Variants in HECW1 observed in about 807,000 individuals in gnomAD.
The protein encoded by HECW1 is HECT, C2 and WW domain containing E3 ubiquitin protein ligase 1, also known as E3 ubiquitin-protein ligase HECW1.
HECW1 carries 61 observed loss-of-function variants against 182.3 expected under a neutral mutation model. That is an observed-to-expected ratio of 0.33 (90% CI 0.27 to 0.41). The LOEUF is 0.41. Ranked by LOEUF, HECW1 falls within the 10% of genes least tolerant of loss-of-function variation. HECW1 has a pLI of 1.00. For missense variants in HECW1, 1,739 were observed against 2,108.9 expected (o/e 0.82, Z 3.44); for synonymous variants, 859 against 832.6 (o/e 1.03, Z -0.55).
chr7:43,383,908 T>G (rs2074664933), intron 6 of HECW1, among the ~76,000 whole-genome samples: 1 of 152,168 alleles, frequency 6.6e-6, no homozygotes, highest in Non-Finnish European at 1.5e-5. Flanking sequence ...GAAAAAATAT[T>G]AAGAAAGTCA....
chr7:43,386,601 G>T (rs891421737), intron 6 of HECW1, among the ~76,000 whole-genome samples: 4 of 152,016 alleles, frequency 2.6e-5, no homozygotes, highest in Non-Finnish European at 4.4e-5. Context: ...AGATGTTCCT[G>T]CCCCCCCTGC....
intron 24 of HECW1, among the ~76,000 whole-genome samples, chr7:43,534,106 T>G (rs2081086853): frequency 6.6e-6 from 1 of 152,188 alleles, no homozygotes; most frequent in African/African-American, 2.4e-5. Flanking sequence ...CACTGAGGGT[T>G]TCGCTCAATT....
intron 17 of HECW1, among the ~76,000 whole-genome samples, chr7:43,482,742 C>T (rs149303460): frequency 2.5e-4 from 38 of 151,994 alleles, no homozygotes; most frequent in African/African-American, 8.4e-4. Flanking sequence ...CTTTTCTCTA[C>T]AAAAATTTAA....
chr7:43,411,953 C>A (rs1422982323), intron 8 of HECW1, among the ~76,000 whole-genome samples: 1 of 152,112 alleles, frequency 6.6e-6, no homozygotes, highest in Non-Finnish European at 1.5e-5. Flanking sequence ...CATATTTATT[C>A]ATGTAATTGT....
chr7:43,382,169 C>T (rs1489985968), intron 6 of HECW1, among the ~76,000 whole-genome samples: 5 of 152,128 alleles, frequency 3.3e-5, no homozygotes, highest in Non-Finnish European at 5.9e-5. Context: ...GCCTGTAGTC[C>T]CAGCTGCTCG....
chr7:43,491,828 T>C (rs1298833367), intron 17 of HECW1, among the ~76,000 whole-genome samples: 2 of 152,102 alleles, frequency 1.3e-5, no homozygotes, highest in African/African-American at 4.8e-5. Flanking sequence ...CCTGACCTTG[T>C]TATCAAGGTC....
chr7:43,530,888 CAAAGTGATTTCTCTAAA>C (rs2080955263), intron 24 of HECW1, among the ~76,000 whole-genome samples: 1 of 152,174 alleles, frequency 6.6e-6, no homozygotes, highest in Non-Finnish European at 1.5e-5. Context: ...CATATGGGTG[CAAAGTGATTTCTCTAAA>C]AATGCCAAAA....
intron 3 of HECW1, among the ~76,000 whole-genome samples, chr7:43,279,834 A>G (rs1803662368): frequency 6.6e-6 from 1 of 152,162 alleles, no homozygotes; most frequent in Non-Finnish European, 1.5e-5. Context: ...AACAGGGACC[A>G]TTGCTTGTTT....
intron 3 of HECW1, among the ~76,000 whole-genome samples, chr7:43,278,148 G>A (rs940189636): frequency 4.6e-5 from 7 of 151,946 alleles, no homozygotes; most frequent in Admixed American, 1.3e-4. Context: ...TTCAGCTCCT[G>A]CTTGAGGTCT....
chr7:43,393,455 G>C (rs2075116631), intron 6 of HECW1, among the ~76,000 whole-genome samples: 1 of 152,236 alleles, frequency 6.6e-6, no homozygotes, highest in Non-Finnish European at 1.5e-5. Context: ...AAGTCAGGTT[G>C]TCAAACCTTC....
At chr7:43,199,112 G>A (rs955136266) in intron 2 of HECW1, among the ~76,000 whole-genome samples, 3 of 152,172 alleles carry the variant, frequency 2.0e-5, no homozygotes, top group African/African-American at 7.2e-5. Flanking sequence ...CTCTCTCCAC[G>A]GTTTTCTCCA....
At chr7:43,131,484 A>G (rs112255649) in intron 2 of HECW1, among the ~76,000 whole-genome samples, 6 of 152,238 alleles carry the variant, frequency 3.9e-5, no homozygotes, top group African/African-American at 1.4e-4. Context: ...AGAGGAGTGG[A>G]TGTTAGAAAC....
At chr7:43,224,603 C>T (rs972705735) in intron 2 of HECW1, among the ~76,000 whole-genome samples, 1 of 152,164 alleles carries the variant, frequency 6.6e-6, no homozygotes, top group African/African-American at 2.4e-5. Context: ...GGCAATTGCT[C>T]GAGCCCAGGA....
At chr7:43,407,151 G>A (rs2075638045) in intron 7 of HECW1, among the ~76,000 whole-genome samples, 1 of 152,074 alleles carries the variant, frequency 6.6e-6, no homozygotes. Flanking sequence ...CTCATTGACT[G>A]CACTCAGCCC....
chr7:43,311,147 T>C (rs1356437298), intron 3 of HECW1, among the ~76,000 whole-genome samples: 2 of 152,228 alleles, frequency 1.3e-5, no homozygotes, highest in African/African-American at 4.8e-5. Context: ...TCCTCTGAGA[T>C]TGGATTTTAT....
intron 24 of HECW1, chr7:43,509,413 T>C: frequency 4.1e-6 from 1 of 244,182 alleles, no homozygotes; most frequent in Non-Finnish European, 7.8e-6. Context: ...ATGTTGATAA[T>C]TTTACTAAAA....
intron 17 of HECW1, among the ~76,000 whole-genome samples, chr7:43,488,434 G>GAGAAAGAA (rs796394625): frequency 0.12 from 11,167 of 92,792 alleles, 1,158 homozygotes; most frequent in African/African-American, 0.15. Flanking sequence ...AAGAAAGAAA[G>GAGAAAGAA]AGAAAGAAAG....
intron 1 of HECW1, chr7:43,113,821 C>G (rs1227236360): frequency 4.3e-6 from 1 of 232,548 alleles, no homozygotes; most frequent in Non-Finnish European, 8.5e-6. Context: ...ATTGCTCTGC[C>G]GCTTTGACGT....
intron 3 of HECW1, among the ~76,000 whole-genome samples, chr7:43,245,190 T>C (rs1484376737): frequency 6.6e-6 from 1 of 152,216 alleles, no homozygotes; most frequent in Non-Finnish European, 1.5e-5. Context: ...CAGCTTGGTG[T>C]GCGCTCAGGA....
Sources: gnomAD v4.1 joint callset for allele counts (sites outside exome capture counted in the v4.1 genomes callset) on GRCh38, gnomAD v4.1.1 for gene constraint, MANE v1.5 for transcripts, NCBI Gene and HGNC (gene_info 2026-07-23, HGNC 2026-07-21) for gene names.